Variants in EYS observed in about 807,000 individuals in gnomAD.
The protein encoded by EYS is protein eyes shut homolog.
EYS carries 250 observed loss-of-function variants against 282.1 expected under a neutral mutation model. The ratio of observed to expected loss-of-function variants is 0.89; its 90% CI spans 0.80 to 0.98. EYS has a LOEUF of 0.98. Among genes scored for constraint, EYS ranks in the 50% least tolerant of loss-of-function variants. The probability of loss-of-function intolerance (pLI) is 0.00; values close to 1 mark genes in which losing one functional copy is unlikely to be tolerated. For missense variants in EYS, 4,016 were observed against 3,709.0 expected, an observed-to-expected ratio of 1.08 and a Z score of -2.15; for synonymous variants, 1,355 against 1,282.9, an observed-to-expected ratio of 1.06 and a Z score of -1.20.
intron 31 of EYS, among the ~76,000 whole-genome samples, chr6:64,116,027 A>C (rs1280599517): frequency 1.3e-5 from 2 of 152,134 alleles, no homozygotes; most frequent in African/African-American, 4.8e-5. Context: ...CGGAAAAATA[A>C]TACATGAAAA....
At chr6:64,926,920 C>T (rs1433924922) in intron 15 of EYS, among the ~76,000 whole-genome samples, 1 of 152,140 alleles carries the variant, frequency 6.6e-6, no homozygotes, top group African/African-American at 2.4e-5. Context: ...AAAGACTATA[C>T]AGGCGATATA....
intron 12 of EYS, among the ~76,000 whole-genome samples, chr6:65,219,939 A>G (rs773831350): frequency 7.9e-5 from 12 of 152,130 alleles, no homozygotes; most frequent in Admixed American, 2.0e-4. Flanking sequence ...ATTATCTTGC[A>G]CTGGGTCCCT....
chr6:64,433,385 A>G (rs930410709), intron 28 of EYS, among the ~76,000 whole-genome samples: 1 of 152,092 alleles, frequency 6.6e-6, no homozygotes, highest in African/African-American at 2.4e-5. Context: ...TGTTCAACTC[A>G]TAATTCGTGT....
intron 26 of EYS, among the ~76,000 whole-genome samples, chr6:64,464,794 T>C (rs1365716664): frequency 1.3e-5 from 2 of 152,014 alleles, no homozygotes; most frequent in African/African-American, 2.4e-5. Flanking sequence ...TTCTGAATTC[T>C]AGAGAGAAAA....
At chr6:64,334,076 G>A (rs1770747672) in intron 29 of EYS, among the ~76,000 whole-genome samples, 1 of 152,146 alleles carries the variant, frequency 6.6e-6, no homozygotes, top group Admixed American at 6.6e-5. Context: ...ACTTGCCTAG[G>A]TCAACAATAT....
intron 2 of EYS, among the ~76,000 whole-genome samples, chr6:65,601,700 A>G (rs1470546682): frequency 1.3e-5 from 2 of 152,062 alleles, no homozygotes; most frequent in East Asian, 1.9e-4. Flanking sequence ...CTCGAAACAC[A>G]GATTAGTAAA....
chr6:64,453,767 A>G (rs571221337), intron 26 of EYS, among the ~76,000 whole-genome samples: 118 of 152,258 alleles, frequency 7.7e-4, no homozygotes, highest in Non-Finnish European at 1.4e-3. Flanking sequence ...AGAAAAAACC[A>G]AACACCGCAT....
intron 37 of EYS, among the ~76,000 whole-genome samples, chr6:63,802,116 TA>T (rs1178190030): frequency 6.6e-6 from 1 of 152,236 alleles, no homozygotes; most frequent in Non-Finnish European, 1.5e-5. Context: ...GTATGGTTAA[TA>T]ATAACGATAT....
At chr6:64,125,802 A>C (rs1411843851) in intron 31 of EYS, among the ~76,000 whole-genome samples, 13 of 151,306 alleles carry the variant, frequency 8.6e-5, no homozygotes, top group African/African-American at 3.2e-4. Context: ...AAAAAAAAAA[A>C]AAAAAAAGTT....
At position 64,356,677 on chromosome 6, in the gene EYS, C is replaced by T. The variant is rs114552250; in HGVS notation, c.6078+32013G>A. ...CAGAGAGGAGGCGTCTCAGCACAGG[C>T]TTCAGGTTCTGGTATAAAGATGACA... On this transcript the variant is annotated intron_variant, in intron 29 of 42. Transcript: ENST00000503581. Among the ~76,000 whole-genome samples the T allele has an allele frequency of 8.3e-3, 1,258 of 151,666 alleles. 12 individuals are homozygous for T. The highest frequency in any genetic ancestry group is 0.029 in the African/African-American group (1,197 of 41,470).
At chr6:64,585,564 G>A (rs1489819724) in intron 26 of EYS, among the ~76,000 whole-genome samples, 6 of 152,066 alleles carry the variant, frequency 3.9e-5, no homozygotes, top group South Asian at 2.1e-4. Flanking sequence ...CGTAGAGAAC[G>A]AGTTTTCAAA....
chr6:63,731,456 C>A (rs1768779212), intron 41 of EYS, among the ~76,000 whole-genome samples: 1 of 152,056 alleles, frequency 6.6e-6, no homozygotes, highest in African/African-American at 2.4e-5. Context: ...TCATATTTGT[C>A]ATTTTTCTTT....
At chr6:64,285,047 C>T (rs6918599) in intron 30 of EYS, among the ~76,000 whole-genome samples, 104,363 of 152,032 alleles carry the variant, frequency 0.69, 35,855 homozygotes, top group South Asian at 0.71. Context: ...TATGCAAATA[C>T]CTGCAGCCAG....
At chr6:64,902,679 C>A (rs1481941525) in intron 16 of EYS, among the ~76,000 whole-genome samples, 179 bp from the exon 17 acceptor site, 1 of 152,026 alleles carries the variant, frequency 6.6e-6, no homozygotes, top group Admixed American at 6.6e-5. Context: ...AAAAACATGC[C>A]AGTTTCTAGA....
chr6:64,831,582 A>T (rs1352869073), intron 19 of EYS, among the ~76,000 whole-genome samples: 1 of 151,932 alleles, frequency 6.6e-6, no homozygotes, highest in East Asian at 1.9e-4. Context: ...GAAAATGATG[A>T]TGATAATGAT....
intron 28 of EYS, among the ~76,000 whole-genome samples, chr6:64,414,776 T>C (rs1774012044): frequency 6.6e-6 from 1 of 152,098 alleles, no homozygotes; most frequent in Non-Finnish European, 1.5e-5. Flanking sequence ...TGGACCTAAT[T>C]TTGGGGATGA....
intron 12 of EYS, among the ~76,000 whole-genome samples, chr6:65,225,776 C>T (rs1268428196): frequency 2.7e-5 from 4 of 147,980 alleles, no homozygotes; most frequent in South Asian, 2.1e-4. Context: ...TTGAAAGAGA[C>T]CAAAAAACTA....
At chr6:64,840,680 A>G (rs2812792) in intron 19 of EYS, among the ~76,000 whole-genome samples, 84,664 of 151,880 alleles carry the variant, frequency 0.56, 24,321 homozygotes, top group Non-Finnish European at 0.62. Context: ...ACTGGTATCA[A>G]ATATTTTACT....
chr6:65,019,040 A>T (rs1772155810), intron 13 of EYS, among the ~76,000 whole-genome samples: 1 of 152,184 alleles, frequency 6.6e-6, no homozygotes, highest in Admixed American at 6.5e-5. Context: ...AGTGGCATAA[A>T]TGTAGAACGA....
Sources: allele counts gnomAD v4.1 joint callset (sites outside exome capture counted in the v4.1 genomes callset), GRCh38; gene constraint gnomAD v4.1.1; transcripts MANE v1.5; gene names NCBI Gene and HGNC (gene_info 2026-07-23, HGNC 2026-07-21).